ASH1L: variants seen among roughly 807,000 people sequenced by gnomAD.
ASH1L encodes ASH1 like histone lysine methyltransferase, also known as histone-lysine N-methyltransferase ASH1L.
Under a neutral mutation model 269.0 loss-of-function variants are expected in ASH1L, and 23 were observed. The ratio of observed to expected loss-of-function variants is 0.09; its 90% CI spans 0.06 to 0.12. The LOEUF (loss-of-function observed/expected upper bound fraction) is 0.12. Ranked by LOEUF, ASH1L falls within the 10% of genes least tolerant of loss-of-function variation. The pLI, the probability that ASH1L is intolerant of heterozygous loss-of-function variation, is 1.00. For missense variants in ASH1L, 2,912 were observed against 3,567.8 expected (o/e 0.82, Z 4.68); for synonymous variants, 1,187 against 1,253.5 (o/e 0.95, Z 1.12).
At chr1:155,394,612 GA>G (rs1186588126) in intron 7 of ASH1L, among the ~76,000 whole-genome samples, 1 of 151,918 alleles carries the variant, frequency 6.6e-6, no homozygotes, top group African/African-American at 2.4e-5. Flanking sequence ...ATAAGGGACA[GA>G]AAAAAATGGG....
chr1:155,410,861 G>A (rs551335600), intron 6 of ASH1L, among the ~76,000 whole-genome samples: 5 of 142,188 alleles, frequency 3.5e-5, no homozygotes, highest in Non-Finnish European at 4.6e-5. Context: ...CAGCTCCAGC[G>A]GCCTAAAGTG....
intron 3 of ASH1L, among the ~76,000 whole-genome samples, chr1:155,461,435 AATG>A (rs759591197): frequency 8.2e-4 from 125 of 152,212 alleles, no homozygotes; most frequent in Non-Finnish European, 1.5e-3. Context: ...TCTGAAACAC[AATG>A]ATGACTGATG....
intron 25 of ASH1L, among the ~76,000 whole-genome samples, chr1:155,341,315 C>T (rs997618464): frequency 2.0e-5 from 3 of 151,456 alleles, no homozygotes; most frequent in Non-Finnish European, 2.9e-5. Flanking sequence ...TAGCTGGGAC[C>T]ACAGGCACCT....
Position 155,391,909 on chromosome 1 carries a change from T to C in ASH1L, c.6103+3550A>G, listed in dbSNP as rs1467249782. ...AGGTAGAGGCTGCAGTGAGCCAAGA[T>C]TGCACTACTGCACTTGAGCCTCAAC... On this transcript the variant is annotated intron_variant, in intron 7 of 27. Coordinates refer to ENST00000392403, the MANE Select transcript of ASH1L (RefSeq NM_018489.3). 3.9e-5 allele frequency among the ~76,000 whole-genome samples: 6 copies of C among 152,130 alleles called. No individual in the cohort carries two copies. The East Asian group carries it at 5.8e-4, about 15-fold the overall frequency.
intron 6 of ASH1L, among the ~76,000 whole-genome samples, chr1:155,404,703 A>T (rs1194273222): frequency 6.6e-6 from 1 of 152,176 alleles, no homozygotes; most frequent in Non-Finnish European, 1.5e-5. Flanking sequence ...ATTTCTATAC[A>T]TAGCAATAAA....
chr1:155,545,070 G>T (rs1199127591), intron 1 of ASH1L, among the ~76,000 whole-genome samples: 3 of 149,088 alleles, frequency 2.0e-5, no homozygotes, highest in Admixed American at 1.4e-4. Context: ...TACTCGGGAG[G>T]CTGAGGCAGG....
chr1:155,420,577 G>A (rs538912919), intron 5 of ASH1L, among the ~76,000 whole-genome samples: 2 of 151,420 alleles, frequency 1.3e-5, no homozygotes, highest in South Asian at 4.2e-4. Flanking sequence ...AAGGCCAGGT[G>A]TGGTGGCTCA....
chr1:155,562,954 G>A, upstream of ASH1L: 2 of 457,668 alleles, frequency 4.4e-6, 1 homozygote, highest in South Asian at 3.1e-5. Flanking sequence ...CCCCCCCGCG[G>A]GACTGTTCCA....
rs974414259 is a variant in ASH1L, at chr1:155,343,812, T to A, written c.7982-70A>T. 2.6e-6 allele frequency: 4 copies of A among 1,567,144 alleles called. No individual in the cohort carries two copies. The highest frequency in any genetic ancestry group is 3.5e-5 in the Admixed American group (2 of 56,928). ...ATGAATTCTGTTAGGCATCTGTTTA[T>A]CTGACTCAGGGTCTACATAGAACTC... On this transcript the variant is annotated intron_variant, in intron 22 of 27. Transcript: ENST00000392403. This position sits in a 1 kb window ranked among gnomAD's most constrained non-coding sequence, Gnocchi z 6.1.
At chr1:155,418,015 C>T (rs1038351897) in intron 5 of ASH1L, among the ~76,000 whole-genome samples, 1 of 150,624 alleles carries the variant, frequency 6.6e-6, no homozygotes, top group Non-Finnish European at 1.5e-5. Flanking sequence ...AGAATCCAAA[C>T]TGATCCATAA....
intron 1 of ASH1L, among the ~76,000 whole-genome samples, chr1:155,524,419 G>A (rs989580836): frequency 6.6e-6 from 1 of 151,754 alleles, no homozygotes; most frequent in African/African-American, 2.4e-5. Context: ...CTACTCGGAA[G>A]GCTGAGGCAG....
rs140985285 is a variant in ASH1L, at chr1:155,383,607, A to G, written c.6104-3491T>C. 3.1e-3 allele frequency among the ~76,000 whole-genome samples: 479 copies of G among 152,330 alleles called. 1 individual carries two copies. Among genetic ancestry groups the G allele is most frequent in the African/African-American group, 0.011 (457 of 41,578 alleles). On this transcript the variant is annotated intron_variant, in intron 7 of 27. Transcript: ENST00000392403. ...TAATTATAAGATTGCCTAACAATGC[A>G]TTTCTCAGAATGTATCCTCATCGTT...
At chr1:155,510,411 CAAAAA>C (rs1161549080) in intron 2 of ASH1L, among the ~76,000 whole-genome samples, 1 of 40,950 alleles carries the variant, frequency 2.4e-5, no homozygotes. Flanking sequence ...AAGGCTGCCT[CAAAAA>C]AAAAAAAAAA....
Position 155,481,266 on chromosome 1 carries a change from C to T in ASH1L, c.1604G>A (p.Gly535Glu). The change falls in exon 3 of 28, where the codon GGA becomes GAA. Residue 535 changes from glycine to glutamate, a missense_variant. Coordinates refer to ENST00000392403, the MANE Select transcript of ASH1L (RefSeq NM_018489.3). ...VYCTSPDFKMGGASDVSTAKS... is the reference protein window; with the variant it reads ...VYCTSPDFKMEGASDVSTAKS... ...AGCGGTAGATACATCAGAAGCACCT[C>T]CCATTTTAAAGTCCGGAGAAGTGCA... The T allele has an allele frequency of 6.2e-7, 1 of 1,614,090 alleles. No individual in the cohort carries two copies. The highest frequency in any genetic ancestry group is 8.5e-7 in the Non-Finnish European group (1 of 1,179,978).
intron 4 of ASH1L, among the ~76,000 whole-genome samples, chr1:155,457,476 C>T (rs192364011): frequency 6.6e-6 from 1 of 152,324 alleles, no homozygotes; most frequent in Admixed American, 6.5e-5. Context: ...TGTTACTGTG[C>T]TACATTATTA....
At chr1:155,416,638 C>G (rs947892289) in intron 5 of ASH1L, among the ~76,000 whole-genome samples, 1 of 151,520 alleles carries the variant, frequency 6.6e-6, no homozygotes, top group East Asian at 2.0e-4. Flanking sequence ...TGGGTTGAAG[C>G]GATTCTCCTG....
At chr1:155,369,476 T>C (rs1042136453) in intron 12 of ASH1L, among the ~76,000 whole-genome samples, 1 of 152,284 alleles carries the variant, frequency 6.6e-6, no homozygotes, top group Admixed American at 6.5e-5. Context: ...TGTATTTCTC[T>C]GTATATGAAT....
At position 155,411,582 on chromosome 1, in the gene ASH1L, AATAAATATATAT is replaced by A. The variant is rs1468612198; in HGVS notation, c.6008+4150_6008+4161del. Among the ~76,000 whole-genome samples, 54 of 48,416 alleles carry A rather than the reference AATAAATATATAT, an allele frequency of 1.1e-3. 1 individual carries two copies. The East Asian group carries it at 0.019, about 17-fold the overall frequency. 31.8% of individuals were successfully genotyped at this position (48,416 alleles called of 152,430 possible). ...ATATAAATATGAATATAAATAAATA[AATAAATATATAT>A]ATATATATATATATATATATATATG... On this transcript the variant is annotated intron_variant, in intron 6 of 27. Coordinates refer to ENST00000392403, the MANE Select transcript of ASH1L (RefSeq NM_018489.3).
intron 7 of ASH1L, among the ~76,000 whole-genome samples, chr1:155,383,099 A>G (rs1657125567): frequency 6.6e-6 from 1 of 152,214 alleles, no homozygotes; most frequent in Admixed American, 6.5e-5. Context: ...TAAGGACATA[A>G]AGAAAATATT....
Sources: allele counts gnomAD v4.1 joint callset (sites outside exome capture counted in the v4.1 genomes callset), GRCh38; gene constraint gnomAD v4.1.1; non-coding constraint Gnocchi (gnomAD v3.1); transcripts MANE v1.5; gene names NCBI Gene and HGNC (gene_info 2026-07-23, HGNC 2026-07-21).